Variants in ABHD18 observed in about 807,000 individuals in gnomAD.
ABHD18 encodes the protein cardiolipin-specific deacylase, mitochondrial.
A neutral mutation model predicts 65.9 loss-of-function variants in ABHD18; 55 were observed. The ratio of observed to expected loss-of-function variants is 0.84; its 90% CI spans 0.67 to 1.05. The LOEUF is 1.05. Among genes scored for constraint, ABHD18 ranks in the 50% least tolerant of loss-of-function variants. The probability of loss-of-function intolerance (pLI) is 0.00; values close to 1 mark genes in which losing one functional copy is unlikely to be tolerated. For synonymous variants in ABHD18, 181 were observed against 180.2 expected (o/e 1.00, Z -0.04); for missense variants, 533 against 558.5 (o/e 0.95, Z 0.46).
chr4:127,988,843 C>T (rs1015163287), intron 3 of ABHD18, among the ~76,000 whole-genome samples: 8 of 152,100 alleles, frequency 5.3e-5, no homozygotes, highest in Admixed American at 3.9e-4. Context: ...TAAGTTAGTA[C>T]GACCACTGCG....
At chr4:128,030,464 A>T (rs762337736) in intron 11 of ABHD18, 46 bp from the exon 12 acceptor site, 1 of 1,315,962 alleles carries the variant, frequency 7.6e-7, no homozygotes. Flanking sequence ...GGGTTTTTTT[A>T]TTTTCTAATG....
At chr4:128,000,032 G>A (rs1213127535) in intron 4 of ABHD18, among the ~76,000 whole-genome samples, 1 of 152,122 alleles carries the variant, frequency 6.6e-6, no homozygotes, top group East Asian at 1.9e-4. Context: ...GCCTGTGCAG[G>A]GAAACTCCCC....
At position 128,039,362 on chromosome 4, in the gene ABHD18, G is replaced by A. The variant is rs954682145; in HGVS notation, c.*3549G>A. ...TTTCAAAAATGTTTGAATTTGAAAA[G>A]TCTTTTGATTGGGTGTGTGTTCCCC... On this transcript the variant is annotated 3_prime_UTR_variant, in exon 13 of 13. Transcript: ENST00000645843. The A allele has an allele frequency of 1.3e-5, 2 of 151,902 alleles. No individual in the cohort carries two copies. The highest frequency in any genetic ancestry group is 4.8e-5 in the African/African-American group (2 of 41,406). The allele number at this position is 151,902 out of a possible 1,614,324, so 9.4% of individuals were successfully genotyped here.
chr4:128,000,051 A>G (rs190885392), intron 4 of ABHD18, among the ~76,000 whole-genome samples: 70 of 152,246 alleles, frequency 4.6e-4, no homozygotes, highest in African/African-American at 1.7e-3. Context: ...CCTTTTTAAA[A>G]CCATCAGATC....
intron 1 of ABHD18, among the ~76,000 whole-genome samples, chr4:127,969,863 C>T (rs969766577): frequency 6.6e-6 from 1 of 151,978 alleles, no homozygotes; most frequent in Non-Finnish European, 1.5e-5. Flanking sequence ...CTTCCCTCCA[C>T]AGCCTACTGA....
At chr4:128,030,396 AT>A (rs1303370166) in intron 11 of ABHD18, 113 bp from the exon 12 acceptor site, 2 of 699,344 alleles carry the variant, frequency 2.9e-6, no homozygotes, top group Non-Finnish European at 4.3e-6. Flanking sequence ...ATTATAGTTG[AT>A]TTTTAATTTA....
At chr4:128,011,040 G>T (rs1194382607) in intron 6 of ABHD18, among the ~76,000 whole-genome samples, 1 of 151,372 alleles carries the variant, frequency 6.6e-6, no homozygotes, top group African/African-American at 2.4e-5. Context: ...TTTTATGAAC[G>T]AAATAAAAAA....
At chr4:127,986,360 T>C (rs1368129465) in intron 3 of ABHD18, among the ~76,000 whole-genome samples, 1 of 152,250 alleles carries the variant, frequency 6.6e-6, no homozygotes, top group Non-Finnish European at 1.5e-5. Context: ...TTCTTTTTGT[T>C]TTTGTTTTTA....
chr4:127,980,671 A>C (rs1445125490), intron 1 of ABHD18, among the ~76,000 whole-genome samples: 3 of 151,866 alleles, frequency 2.0e-5, no homozygotes, highest in Non-Finnish European at 4.4e-5. Flanking sequence ...TAAAAACACA[A>C]AAATTCGCTG....
chr4:127,984,412 C>T lies in ABHD18; in HGVS notation c.166C>T (p.His56Tyr), dbSNP rs751695029. ...QNLVSSDYPV[H>Y]IDKIEEQSDC... ...TCTGGTTTCAAGCGATTATCCAGTA[C>T]ACATTGATAAGGTATTCAAATGAGA... The change falls in exon 3 of 13, where the codon CAC (histidine) becomes TAC (tyrosine). Residue 56 changes from histidine to tyrosine, a missense_variant. His to Tyr is a moderately conservative substitution (Grantham distance 83, BLOSUM62 2). This residue lies in a region of ABHD18 where 309 missense variants were observed against 313.5 expected (regional missense o/e 0.99). Coordinates refer to ENST00000645843, the MANE Select transcript of ABHD18 (RefSeq NM_001358451.3). 2.0e-6 allele frequency: 3 copies of T among 1,535,732 alleles called. No homozygotes were observed. The highest frequency in any genetic ancestry group is 1.4e-5 in the African/African-American group (1 of 72,956).
intron 12 of ABHD18, 81 bp downstream of exon 12, chr4:128,030,753 C>A: frequency 6.6e-7 from 1 of 1,515,798 alleles, no homozygotes; most frequent in Non-Finnish European, 8.8e-7. Flanking sequence ...TGTAAAAGAT[C>A]ACATATTTTT....
intron 3 of ABHD18, among the ~76,000 whole-genome samples, chr4:127,986,898 TTTA>T (rs1750061589): frequency 6.6e-6 from 1 of 152,232 alleles, no homozygotes. Context: ...TATCCATCTT[TTTA>T]TTGTTGGGTT....
At chr4:128,009,434 T>A (rs1203943364) in intron 6 of ABHD18, 2 of 288,682 alleles carry the variant, frequency 6.9e-6, no homozygotes, top group Non-Finnish European at 1.3e-5. Flanking sequence ...CTTGGGAGAC[T>A]TATGCTAGAT....
In ABHD18 at chr4:128,035,852, C is replaced by T. The variant is rs1011655702; in HGVS notation, c.*39C>T. On this transcript the variant is annotated 3_prime_UTR_variant, in exon 13 of 13. Coordinates refer to ENST00000645843, the MANE Select transcript of ABHD18 (RefSeq NM_001358451.3). Reference sequence around the variant, plus strand: ...TGTAACCAGTGTGGCCATGATGTTTCTTACAAAAGGGAGCTTCATCCTGTG... The same window carrying T: ...TGTAACCAGTGTGGCCATGATGTTTTTTACAAAAGGGAGCTTCATCCTGTG... 9 of 1,328,718 alleles carry T rather than the reference C, an allele frequency of 6.8e-6. 1 individual carries two copies. Among genetic ancestry groups the T allele is most frequent in the African/African-American group, 5.9e-5 (4 of 68,208 alleles). 82.3% of individuals were successfully genotyped at this position (1,328,718 alleles called of 1,614,324 possible). A position where few individuals can be genotyped will look rare whatever the true frequency, so the allele number is the denominator to read the frequency against.
intron 7 of ABHD18, among the ~76,000 whole-genome samples, chr4:128,012,478 C>A (rs1754741133): frequency 6.6e-6 from 1 of 152,028 alleles, no homozygotes; most frequent in Non-Finnish European, 1.5e-5. Context: ...AATACTGCAA[C>A]AATAAGACAA....
Position 127,984,044 on chromosome 4 carries a change from A to G in ABHD18, c.93-295A>G, listed in dbSNP as rs76804977. On this transcript the variant is annotated intron_variant, in intron 2 of 12. Transcript: ENST00000645843. ...AGAGCGAGACTCCGTCTCAAGGGGGAAAAAAAAAAAAAGAAAGAAAATGAA... is the reference window on the plus strand; with the variant it reads ...AGAGCGAGACTCCGTCTCAAGGGGGGAAAAAAAAAAAAGAAAGAAAATGAA... 7.8e-3 allele frequency among the ~76,000 whole-genome samples: 744 copies of G among 95,642 alleles called. 1 individual carries two copies. The highest frequency in any genetic ancestry group is 0.015 in the Middle Eastern group (2 of 136). The allele number at this position is 95,642 out of a possible 152,430, so 62.7% of individuals were successfully genotyped here.
chr4:128,010,585 T>C lies in ABHD18; in HGVS notation c.443-1088T>C, dbSNP rs561344293. Among the ~76,000 whole-genome samples, 280 of 148,920 alleles carry C rather than the reference T, an allele frequency of 1.9e-3. 3 individuals are homozygous for C. Among genetic ancestry groups the C allele is most frequent in the African/African-American group, 6.8e-3 (276 of 40,618 alleles). On this transcript the variant is annotated intron_variant, in intron 6 of 12. Transcript: ENST00000645843. Reference sequence around the variant, plus strand: ...AAAACTCTATGGTGTGGCACAGGTATGCAAAAAAAAACTAAAAACAAAATC... The same window carrying C: ...AAAACTCTATGGTGTGGCACAGGTACGCAAAAAAAAACTAAAAACAAAATC...
intron 2 of ABHD18, 81 bp downstream of exon 2, chr4:127,983,128 AC>A (rs1443221574): frequency 1.2e-6 from 1 of 866,498 alleles, no homozygotes; most frequent in Non-Finnish European, 1.8e-6. Flanking sequence ...AAAATCCTTT[AC>A]TCTCAAATAC....
intron 10 of ABHD18, among the ~76,000 whole-genome samples, chr4:128,023,531 C>T (rs1287193364): frequency 2.0e-5 from 3 of 147,164 alleles, no homozygotes; most frequent in Admixed American, 6.9e-5. Context: ...TAGCAGTGAG[C>T]TATGATTGTG....
Sources: allele counts gnomAD v4.1 joint callset (sites outside exome capture counted in the v4.1 genomes callset), GRCh38; gene constraint gnomAD v4.1.1; regional missense constraint gnomAD v4.1.1; transcripts MANE v1.5; gene names NCBI Gene and HGNC (gene_info 2026-07-23, HGNC 2026-07-21).